Variants in TULP4 observed in about 807,000 individuals in gnomAD.
TULP4 encodes tubby-related protein 4.
In TULP4, 16 loss-of-function variants were observed where a neutral mutation model predicts 129.0. The observed-to-expected ratio is 0.12, with a 90% CI of 0.08 to 0.19. TULP4 has a LOEUF of 0.19. Among genes scored for constraint, TULP4 ranks in the 10% least tolerant of loss-of-function variants. The pLI, the probability that TULP4 is intolerant of heterozygous loss-of-function variation, is 1.00. For synonymous variants in TULP4, 998 were observed against 854.0 expected (o/e 1.17, Z -2.94); for missense variants, 1,842 against 2,059.1 (o/e 0.89, Z 2.04).
At position 158,241,108 on chromosome 6, in the gene TULP4, G is replaced by C. The variant is rs961974282; in HGVS notation, n.68+8805G>C. Among the ~76,000 whole-genome samples, 28 of 140,206 alleles carry C rather than the reference G, an allele frequency of 2.0e-4. No individual in the cohort carries two copies. In the South Asian group the frequency reaches 4.9e-3, roughly 25 times the overall value. 92.0% of individuals were successfully genotyped at this position (140,206 alleles called of 152,430 possible). On this transcript the variant is annotated intron_variant and non_coding_transcript_variant, in intron 1 of 1. Transcript: ENST00000620026. The stretch of plus-strand genomic sequence containing the variant: ...CAGAGGCGCTCCTCACGTCCCAGAG[G>C]GGGCGGCGGGGCAGAGGCGCTCCCC...
intron 6 of TULP4, among the ~76,000 whole-genome samples, chr6:158,462,368 C>A (rs866001190): frequency 2.0e-5 from 3 of 147,732 alleles, no homozygotes; most frequent in African/African-American, 7.6e-5. Context: ...TGTAGATTTT[C>A]TTTTCTTTTT....
At chr6:158,399,365 T>A (rs770486325) in intron 1 of TULP4, among the ~76,000 whole-genome samples, 5 of 152,258 alleles carry the variant, frequency 3.3e-5, no homozygotes, top group Non-Finnish European at 7.3e-5. Context: ...AGCCAATGAT[T>A]TGGACTTTTA....
chr6:158,443,529 T>C (rs889852355), intron 3 of TULP4, among the ~76,000 whole-genome samples: 1 of 152,192 alleles, frequency 6.6e-6, no homozygotes, highest in African/African-American at 2.4e-5. Flanking sequence ...CCTGAAAGAT[T>C]TGGAGAAGAA....
At chr6:158,372,051 G>A (rs1449151155) in intron 1 of TULP4, among the ~76,000 whole-genome samples, 2 of 151,494 alleles carry the variant, frequency 1.3e-5, no homozygotes, top group Non-Finnish European at 2.9e-5. Context: ...CTAGGCTCAA[G>A]CGATCTGCCC....
intron 1 of TULP4, among the ~76,000 whole-genome samples, chr6:158,288,966 T>G (rs1047954963): frequency 1.3e-5 from 2 of 152,240 alleles, no homozygotes; most frequent in African/African-American, 4.8e-5. Flanking sequence ...TATTATCACT[T>G]TTTAAATATT....
In TULP4 at chr6:158,417,652, C is replaced by T. The variant is rs146020499; in HGVS notation, c.381+4459C>T. Among the ~76,000 whole-genome samples, 294 of 152,294 alleles carry T rather than the reference C, an allele frequency of 1.9e-3. 3 individuals are homozygous for T. Among genetic ancestry groups the T allele is most frequent in the African/African-American group, 7.0e-3 (289 of 41,558 alleles). On this transcript the variant is annotated intron_variant, in intron 2 of 13. Coordinates refer to ENST00000367097, the MANE Select transcript of TULP4 (RefSeq NM_020245.5). ...CACTGGTCAAGGAACTGGTGGCTTT[C>T]TGCACCTGGAAAAGTTCTGTGGCTT...
intron 1 of TULP4, among the ~76,000 whole-genome samples, chr6:158,343,773 G>A (rs1214140795): frequency 6.6e-6 from 1 of 152,222 alleles, no homozygotes; most frequent in East Asian, 1.9e-4. Flanking sequence ...GCTCCTCACT[G>A]ATTTAAAATA....
intron 1 of TULP4, among the ~76,000 whole-genome samples, chr6:158,372,006 G>C (rs540852522): frequency 2.0e-5 from 3 of 152,034 alleles, no homozygotes; most frequent in Admixed American, 1.3e-4. Flanking sequence ...ATAGAGATGG[G>C]GTTTCTCCAT....
At chr6:158,241,024 C>T (rs1393430214) in intron 1 of TULP4, among the ~76,000 whole-genome samples, 1 of 136,896 alleles carries the variant, frequency 7.3e-6, no homozygotes, top group African/African-American at 2.6e-5. Context: ...CTCCTCACTT[C>T]TCAGATGGGG....
At chr6:158,264,399 T>C (rs751173134) in intron 1 of TULP4, among the ~76,000 whole-genome samples, 2 of 152,244 alleles carry the variant, frequency 1.3e-5, no homozygotes, top group Non-Finnish European at 2.9e-5. Context: ...CATACCAAAA[T>C]CTACTTTATT....
At chr6:158,297,584 A>C (rs1343706900) in intron 1 of TULP4, among the ~76,000 whole-genome samples, 2 of 152,230 alleles carry the variant, frequency 1.3e-5, no homozygotes, top group East Asian at 3.8e-4. Context: ...CAGTAAAGAC[A>C]GGCTTAAGAA....
chr6:158,292,895 A>G (rs1010202248), intron 1 of TULP4, among the ~76,000 whole-genome samples: 3 of 152,218 alleles, frequency 2.0e-5, no homozygotes, highest in Non-Finnish European at 4.4e-5. Context: ...CCTGTGTGAC[A>G]TGTGACACAG....
chr6:158,365,462 T>C (rs1478673701), intron 1 of TULP4, among the ~76,000 whole-genome samples: 7 of 148,602 alleles, frequency 4.7e-5, no homozygotes, highest in Non-Finnish European at 7.5e-5. Flanking sequence ...TTTTCTTTTT[T>C]TCTTTTTTCT....
intron 3 of TULP4, among the ~76,000 whole-genome samples, chr6:158,441,385 C>T (rs1778894644): frequency 6.6e-6 from 1 of 152,108 alleles, no homozygotes; most frequent in South Asian, 2.1e-4. Flanking sequence ...TCACATATAC[C>T]TTCTTAAAGT....
chr6:158,401,051 TTG>T (rs752176607), intron 1 of TULP4, among the ~76,000 whole-genome samples: 8 of 32,756 alleles, frequency 2.4e-4, no homozygotes, highest in South Asian at 7.1e-4. Flanking sequence ...TTTGGGTTTT[TTG>T]TTGTTGTTGT....
intron 1 of TULP4, among the ~76,000 whole-genome samples, chr6:158,405,747 T>A (rs1202891753): frequency 6.6e-6 from 1 of 152,110 alleles, no homozygotes; most frequent in Non-Finnish European, 1.5e-5. Flanking sequence ...AGCTTGGCGT[T>A]CCAAAGGCCA....
rs116162561 is a variant in TULP4, at chr6:158,373,366, C to G, written c.253-39699C>G. 4.2e-3 allele frequency among the ~76,000 whole-genome samples: 644 copies of G among 152,316 alleles called. 1 individual carries two copies. The highest frequency in any genetic ancestry group is 0.014 in the African/African-American group (598 of 41,568). On this transcript the variant is annotated intron_variant, in intron 1 of 13. Transcript: ENST00000367097. ...GAGGAGCTGGCGCTGTTCACCACCT[C>G]TTGTCCTGTCTCCTTCTGGAGCATT...
At chr6:158,382,962 A>G (rs1048807517) in intron 1 of TULP4, among the ~76,000 whole-genome samples, 1 of 152,222 alleles carries the variant, frequency 6.6e-6, no homozygotes, top group Non-Finnish European at 1.5e-5. Flanking sequence ...GGAGATCCTG[A>G]GAGGCGAATT....
chr6:158,503,646 A>T lies in TULP4; in HGVS notation c.3983A>T (p.Gln1328Leu). ...VLSLTESPVPQRTEKFGKKNR... is the reference protein window; with the variant it reads ...VLSLTESPVPLRTEKFGKKNR... ...TCCCTGACCGAAAGCCCAGTCCCCC[A>T]GCGGACAGAAAAATTTGGAAAGAAG... The change falls in exon 13 of 14, where the codon CAG becomes CTG. Residue 1328 changes from glutamine to leucine, a missense_variant. Gln to Leu is a moderately radical substitution (Grantham distance 113). Coordinates refer to ENST00000367097, the MANE Select transcript of TULP4 (RefSeq NM_020245.5). This position sits in a 1 kb window ranked among gnomAD's most constrained non-coding sequence, Gnocchi z 4.3. The T allele has an allele frequency of 6.2e-7, 1 of 1,614,034 alleles. No individual in the cohort carries two copies. The highest frequency in any genetic ancestry group is 8.5e-7 in the Non-Finnish European group (1 of 1,180,028).
Sources: allele counts gnomAD v4.1 joint callset (sites outside exome capture counted in the v4.1 genomes callset), GRCh38; gene constraint gnomAD v4.1.1; non-coding constraint Gnocchi (gnomAD v3.1); transcripts MANE v1.5; gene names NCBI Gene and HGNC (gene_info 2026-07-23, HGNC 2026-07-21).